Variants in GAS2L3 observed in about 807,000 individuals in gnomAD.
GAS2L3 encodes growth arrest specific 2 like 3.
Under a neutral mutation model 37.0 loss-of-function variants are expected in GAS2L3, and 28 were observed. The observed-to-expected ratio is 0.76, with a 90% confidence interval of 0.56 to 1.04. GAS2L3 has a LOEUF of 1.04. GAS2L3 is among the 50% of genes least tolerant of loss of function. The pLI is 0.00. For synonymous variants in GAS2L3, 290 were observed against 296.6 expected, an observed-to-expected ratio of 0.98 and a Z score of 0.23; for missense variants, 793 against 817.6, an observed-to-expected ratio of 0.97 and a Z score of 0.37.
chr12:100,599,203 G>C (rs1038663297), intron 3 of GAS2L3, among the ~76,000 whole-genome samples: 6 of 152,154 alleles, frequency 3.9e-5, no homozygotes, highest in Admixed American at 6.6e-5. Context: ...AAGGACAAGA[G>C]ATATTTATAT....
At chr12:100,585,720 C>T (rs1386154313) in intron 1 of GAS2L3, among the ~76,000 whole-genome samples, 1 of 152,220 alleles carries the variant, frequency 6.6e-6, no homozygotes, top group African/African-American at 2.4e-5. Context: ...TCATCTCTGA[C>T]AGTTGCCAAA....
chr12:100,576,359 GA>G (rs1955637003), intron 1 of GAS2L3, among the ~76,000 whole-genome samples: 1 of 152,108 alleles, frequency 6.6e-6, no homozygotes, highest in East Asian at 1.9e-4. Context: ...GAAAGTAAGA[GA>G]TTAAACTTAA....
At position 100,595,039 on chromosome 12, in the gene GAS2L3, C is replaced by G. The variant is rs991778282; in HGVS notation, c.18+117C>G. On this transcript the variant is annotated intron_variant, in intron 3 of 9. Coordinates refer to ENST00000547754, the MANE Select transcript of GAS2L3 (RefSeq NM_174942.3). Reference sequence around the variant, plus strand: ...TTATTGTGCTAGTTTTTTTAAGCATCACATTTTAATAACACATACTATATT... The same window carrying G: ...TTATTGTGCTAGTTTTTTTAAGCATGACATTTTAATAACACATACTATATT... 7 of 445,540 alleles carry G rather than the reference C, an allele frequency of 1.6e-5. No homozygotes were observed. The Admixed American group carries it at 3.1e-4, about 20-fold the overall frequency. 27.6% of individuals were successfully genotyped at this position (445,540 alleles called of 1,614,324 possible).
At position 100,623,549 on chromosome 12, in the gene GAS2L3, C is replaced by T. The variant is rs1338042567; in HGVS notation, c.757-13C>T. 6.4e-6 allele frequency: 10 copies of T among 1,573,616 alleles called. No homozygotes were observed. The Admixed American group carries it at 7.8e-5, about 12-fold the overall frequency. ...GTATTACAGCTTTACTTTTTGTTTT[C>T]CTTTGGGGGCAGATGCTTCATGGAA... On this transcript the variant is annotated splice_polypyrimidine_tract_variant and intron_variant, in intron 9 of 9. Coordinates refer to ENST00000547754, the MANE Select transcript of GAS2L3 (RefSeq NM_174942.3).
At chr12:100,579,818 G>A in intron 1 of GAS2L3, 2 of 726,828 alleles carry the variant, frequency 2.8e-6, no homozygotes, top group South Asian at 1.6e-5. Context: ...GTGAGGGATT[G>A]GAAAAAGCTA....
At chr12:100,609,663 G>A (rs192346791) in intron 5 of GAS2L3, among the ~76,000 whole-genome samples, 25 of 152,262 alleles carry the variant, frequency 1.6e-4, no homozygotes, top group Middle Eastern at 6.8e-3. Context: ...CCTCAAGTTC[G>A]CTTAGGTCCT....
intron 3 of GAS2L3, among the ~76,000 whole-genome samples, chr12:100,598,007 G>A (rs1208301299): frequency 4.6e-5 from 7 of 152,098 alleles, no homozygotes; most frequent in Non-Finnish European, 7.4e-5. Context: ...CTACAGAGTA[G>A]TTAAGTGTAG....
chr12:100,575,509 T>C (rs1343295041), intron 1 of GAS2L3, among the ~76,000 whole-genome samples: 4 of 117,274 alleles, frequency 3.4e-5, no homozygotes, highest in South Asian at 2.9e-4. Flanking sequence ...TGAGACAGAG[T>C]CTCGCTCTGT....
chr12:100,598,611 T>G (rs1955943926), intron 3 of GAS2L3, among the ~76,000 whole-genome samples: 2 of 152,158 alleles, frequency 1.3e-5, no homozygotes, highest in Admixed American at 6.6e-5. Context: ...AAAATCCCAT[T>G]CTTGTTAAAA....
At chr12:100,603,806 A>T (rs1164771133) in intron 5 of GAS2L3, among the ~76,000 whole-genome samples, 1 of 152,042 alleles carries the variant, frequency 6.6e-6, no homozygotes, top group Non-Finnish European at 1.5e-5. Context: ...TCATTTTTAT[A>T]TATGGTGAGA....
chr12:100,600,564 CA>C lies in GAS2L3; in HGVS notation c.187+16del. The C allele has an allele frequency of 6.3e-7, 1 of 1,599,006 alleles. No individual in the cohort carries two copies. Among genetic ancestry groups the C allele is most frequent in the Non-Finnish European group, 8.6e-7 (1 of 1,167,318 alleles). Reference sequence around the variant, plus strand: ...CTGGTTTATTAGGTGAGGCTTGAAACAATACCCAAAATTGTATTATCTTATT... The same window carrying C: ...CTGGTTTATTAGGTGAGGCTTGAAACATACCCAAAATTGTATTATCTTATT... On this transcript the variant is annotated intron_variant, in intron 4 of 9. Transcript: ENST00000547754.
intron 1 of GAS2L3, among the ~76,000 whole-genome samples, chr12:100,575,591 C>T (rs1368553100): frequency 6.7e-6 from 1 of 148,202 alleles, no homozygotes; most frequent in Non-Finnish European, 1.5e-5. Context: ...AAGCGATTCT[C>T]CTGCCTCAGC....
chr12:100,584,824 G>T lies in GAS2L3; in HGVS notation c.-151-6912G>T, dbSNP rs189791596. Among the ~76,000 whole-genome samples, 143 of 150,084 alleles carry T rather than the reference G, an allele frequency of 9.5e-4. 1 individual carries two copies. In the Middle Eastern group the frequency reaches 0.014, roughly 15 times the overall value. ...AAGACCTCGTGAACCACCCACCTTG[G>T]CCTCCCAAAGTGCTGGGATTACAGG... On this transcript the variant is annotated intron_variant, in intron 1 of 9. Coordinates refer to ENST00000547754, the MANE Select transcript of GAS2L3 (RefSeq NM_174942.3).
In GAS2L3 at chr12:100,625,816, A is replaced by G. The variant is rs1030492365; in HGVS notation, c.*926A>G. ...ACTTTAAAATTAAGATGATGTTAAAATAATTTTAGAGTTATGCTATGTAAA... is the reference window on the plus strand; with the variant it reads ...ACTTTAAAATTAAGATGATGTTAAAGTAATTTTAGAGTTATGCTATGTAAA... On this transcript the variant is annotated 3_prime_UTR_variant, in exon 10 of 10. Coordinates refer to ENST00000547754, the MANE Select transcript of GAS2L3 (RefSeq NM_174942.3). 3 of 152,234 alleles carry G rather than the reference A, an allele frequency of 2.0e-5. No individual in the cohort carries two copies. The highest frequency in any genetic ancestry group is 7.2e-5 in the African/African-American group (3 of 41,466). The allele number at this position is 152,234 out of a possible 1,614,324, so 9.4% of individuals were successfully genotyped here.
intron 5 of GAS2L3, among the ~76,000 whole-genome samples, chr12:100,605,581 G>C (rs184127454): frequency 6.6e-6 from 1 of 151,534 alleles, no homozygotes; most frequent in South Asian, 2.1e-4. Context: ...TGCATTGTTA[G>C]GTTATTTATT....
At chr12:100,579,319 C>T (rs1039406649) in intron 1 of GAS2L3, 14 of 655,060 alleles carry the variant, frequency 2.1e-5, no homozygotes, top group East Asian at 7.6e-5. Flanking sequence ...AGGAAAATAC[C>T]GTACTACGAG....
intron 3 of GAS2L3, 151 bp from the exon 4 acceptor site, chr12:100,600,231 C>G (rs541016338): frequency 1.7e-6 from 1 of 594,404 alleles, no homozygotes; most frequent in Admixed American, 3.4e-5. Context: ...TACTTTGCTT[C>G]TAATTTATAT....
chr12:100,621,882 GGA>G (rs1205356059), intron 8 of GAS2L3, among the ~76,000 whole-genome samples: 64 of 81,270 alleles, frequency 7.9e-4, no homozygotes, highest in Non-Finnish European at 6.4e-4. Context: ...GGTGGGGGGG[GGA>G]GAGAGAGAGA....
intron 3 of GAS2L3, among the ~76,000 whole-genome samples, chr12:100,596,595 G>T (rs936689498): frequency 2.6e-5 from 4 of 152,004 alleles, no homozygotes; most frequent in African/African-American, 9.7e-5. Flanking sequence ...ACAGTTACTT[G>T]GTTATTAAGT....
Sources: gnomAD v4.1 joint callset for allele counts (sites outside exome capture counted in the v4.1 genomes callset) on GRCh38, gnomAD v4.1.1 for gene constraint, MANE v1.5 for transcripts, NCBI Gene and HGNC (gene_info 2026-07-23, HGNC 2026-07-21) for gene names.